ATIC: variants seen among roughly 807,000 people sequenced by gnomAD.
ATIC encodes 5-aminoimidazole-4-carboxamide ribonucleotide formyltransferase/IMP cyclohydrolase.
Under a neutral mutation model 72.5 loss-of-function variants are expected in ATIC, and 64 were observed. That is an observed-to-expected ratio of 0.88 (90% CI 0.72 to 1.09). ATIC has a LOEUF of 1.09. Among genes scored for constraint, ATIC ranks in the 50% least tolerant of loss-of-function variants. The pLI, the probability that ATIC is intolerant of heterozygous loss-of-function variation, is 0.00. For synonymous variants in ATIC, 281 were observed against 267.1 expected (o/e 1.05, Z -0.51); for missense variants, 787 against 732.4 (o/e 1.07, Z -0.86).
chr2:215,357,284 G>T, the ATIC span, among the ~76,000 whole-genome samples: 1 of 152,182 alleles, frequency 6.6e-6, no homozygotes, highest in Admixed American at 6.5e-5. Context: ...CTTGGCCTTT[G>T]ATGTATCTTG....
At chr2:215,336,184 C>T (rs13002576) in intron 11 of ATIC, 60 bp downstream of exon 11, 30 of 1,274,034 alleles carry the variant, frequency 2.4e-5, no homozygotes, top group Non-Finnish European at 2.8e-5. Flanking sequence ...CTCTTTCTCC[C>T]TTGTTTACTC....
rs1222399339 is a variant in ATIC at position 215,334,774 on chromosome 2, A to C, written c.923-145A>C. 18 of 675,718 alleles carry C rather than the reference A, an allele frequency of 2.7e-5. No individual in the cohort carries two copies. In the Admixed American group the frequency reaches 4.2e-4, roughly 16 times the overall value. The allele number at this position is 675,718 out of a possible 1,614,324, so 41.9% of individuals were successfully genotyped here. A position where few individuals can be genotyped will look rare whatever the true frequency, so the allele number is the denominator to read the frequency against. ...ACTTTCTTACTGGTTACTTCAGTTA[A>C]ATGACTTATTGATCTGTTAAAATCT... On this transcript the variant is annotated intron_variant, in intron 9 of 15. Coordinates refer to ENST00000236959, the MANE Select transcript of ATIC (RefSeq NM_004044.7).
At chr2:215,354,407 G>A (rs1309254832), downstream of ATIC, among the ~76,000 whole-genome samples, 1 of 152,068 alleles carries the variant, frequency 6.6e-6, no homozygotes, top group African/African-American at 2.4e-5. Context: ...ATTTCCCTTT[G>A]TTGGCACTCT....
At chr2:215,312,318 G>C (rs1278898463) in intron 1 of ATIC, 157 bp downstream of exon 1, 1 of 1,458,982 alleles carries the variant, frequency 6.9e-7, no homozygotes, top group African/African-American at 1.4e-5. Flanking sequence ...GCCTGCGTGG[G>C]GCCCGCCTTA....
chr2:215,354,724 G>A (rs2053153592), downstream of ATIC, among the ~76,000 whole-genome samples: 1 of 148,880 alleles, frequency 6.7e-6, no homozygotes, highest in Non-Finnish European at 1.5e-5. Context: ...TCCAATTGTT[G>A]GTATCATCTT....
At chr2:215,349,365 C>G in intron 15 of ATIC, 116 bp downstream of exon 15, 1 of 1,576,190 alleles carries the variant, frequency 6.3e-7, no homozygotes, top group Non-Finnish European at 8.7e-7. Context: ...CAGTAATATT[C>G]AGAGAACCAT....
At chr2:215,352,379 C>T (rs1439027375), downstream of ATIC, among the ~76,000 whole-genome samples, 6 of 151,946 alleles carry the variant, frequency 3.9e-5, no homozygotes, top group South Asian at 4.2e-4. Flanking sequence ...GTCAGGAGTT[C>T]GAGACCAGCC....
At chr2:215,345,188 A>C in intron 13 of ATIC, 1 of 385,880 alleles carries the variant, frequency 2.6e-6, no homozygotes, top group South Asian at 2.3e-5. Flanking sequence ...CATTGGTATT[A>C]TTTCCAGGGA....
intron 11 of ATIC, among the ~76,000 whole-genome samples, chr2:215,338,376 G>C (rs970566804): frequency 6.6e-6 from 1 of 152,178 alleles, no homozygotes; most frequent in Non-Finnish European, 1.5e-5. Context: ...TTGTGCCATT[G>C]CTTATTTAAT....
chr2:215,339,023 G>T lies in ATIC; in HGVS notation c.1227+116G>T, dbSNP rs2052987721. ...TTTGGAACTGGTCTGTATGCACACG[G>T]CTAGCTAGCTTATCTTTGAGTTGTC... On this transcript the variant is annotated intron_variant, in intron 12 of 15. Coordinates refer to ENST00000236959, the MANE Select transcript of ATIC (RefSeq NM_004044.7). 3 of 1,361,782 alleles carry T rather than the reference G, an allele frequency of 2.2e-6. No individual in the cohort carries two copies. In the East Asian group the frequency reaches 7.3e-5, roughly 33 times the overall value. The allele number at this position is 1,361,782 out of a possible 1,614,324, so 84.4% of individuals were successfully genotyped here.
downstream of ATIC, among the ~76,000 whole-genome samples, chr2:215,354,257 T>C (rs865889681): frequency 6.6e-6 from 1 of 152,078 alleles, no homozygotes; most frequent in Non-Finnish European, 1.5e-5. Flanking sequence ...CTTGAACTCC[T>C]GGCCTCAGGT....
chr2:215,352,202 A>G (rs1225517235), downstream of ATIC, among the ~76,000 whole-genome samples: 1 of 152,230 alleles, frequency 6.6e-6, no homozygotes, highest in African/African-American at 2.4e-5. Flanking sequence ...CACTAATTGT[A>G]ATAAATGTAC....
Position 215,323,716 on chromosome 2 carries a change from C to G in ATIC, c.291-1525C>G, listed in dbSNP as rs541525834. Among the ~76,000 whole-genome samples, 5 of 152,282 alleles carry G rather than the reference C, an allele frequency of 3.3e-5. No individual in the cohort carries two copies. The East Asian group carries it at 7.7e-4, about 24-fold the overall frequency. On this transcript the variant is annotated intron_variant, in intron 4 of 15. Transcript: ENST00000236959. ...TTTATTTTCTTTTCTTTGCTAATTG[C>G]TCTGGCTAGAACTTCTAGTACAGTG...
intron 12 of ATIC, among the ~76,000 whole-genome samples, chr2:215,341,791 A>T (rs2053021153): frequency 6.6e-6 from 1 of 152,180 alleles, no homozygotes; most frequent in Admixed American, 6.5e-5. Flanking sequence ...CATTTCTCGT[A>T]TGCCTTGATC....
downstream of ATIC, among the ~76,000 whole-genome samples, chr2:215,350,382 C>A (rs2053121172): frequency 6.6e-6 from 1 of 152,190 alleles, no homozygotes; most frequent in Non-Finnish European, 1.5e-5. Context: ...ATCCACCCGC[C>A]CTGGCCTCCC....
chr2:215,348,997 G>T, intron 14 of ATIC, 97 bp from the exon 15 acceptor site: 1 of 1,207,786 alleles, frequency 8.3e-7, no homozygotes. Flanking sequence ...CAAGTCCTAA[G>T]AAAAATGCCC....
chr2:215,334,811 T>TA (rs1325488231), intron 9 of ATIC, 108 bp from the exon 10 acceptor site: 2 of 863,612 alleles, frequency 2.3e-6, no homozygotes, highest in Non-Finnish European at 3.8e-6. Context: ...ATGTAAACAG[T>TA]AAGATTAGCT....
At chr2:215,339,231 A>G (rs908033800) in intron 12 of ATIC, among the ~76,000 whole-genome samples, 45 of 152,218 alleles carry the variant, frequency 3.0e-4, no homozygotes, top group African/African-American at 1.0e-3. Flanking sequence ...ATATCAATAC[A>G]TATAGATGCT....
the ATIC span, among the ~76,000 whole-genome samples, chr2:215,354,862 T>C: frequency 2.0e-5 from 3 of 151,904 alleles, no homozygotes; most frequent in Admixed American, 6.6e-5. Context: ...CTGACTAACA[T>C]TGGCTACCCA....
Sources: gnomAD v4.1 joint callset for allele counts (sites outside exome capture counted in the v4.1 genomes callset) on GRCh38, gnomAD v4.1.1 for gene constraint, MANE v1.5 for transcripts, NCBI Gene and HGNC (gene_info 2026-07-23, HGNC 2026-07-21) for gene names.